Variants in ACTMAP observed in about 807,000 individuals in gnomAD.
ACTMAP encodes the protein UPF0692 protein C19orf54.
At chr19:40,745,170 A>G in the ACTMAP span, 11 of 1,551,860 alleles carry the variant, frequency 7.1e-6, no homozygotes, top group African/African-American at 1.4e-5. Context: ...TCTGCACAGA[A>G]GAGGATCCAC....
chr19:40,742,305 C>G, the ACTMAP span: 2 of 950,114 alleles, frequency 2.1e-6, no homozygotes, highest in African/African-American at 3.3e-5. Context: ...AGGGGGTGGC[C>G]CTGATGAAGG....
chr19:40,744,969 T>G, the ACTMAP span: 1 of 877,322 alleles, frequency 1.1e-6, no homozygotes, highest in Non-Finnish European at 1.8e-6. Context: ...ATGTTTACTA[T>G]GCAGGCACTC....
the ACTMAP span, among the ~76,000 whole-genome samples, chr19:40,743,127 A>C: frequency 6.6e-6 from 1 of 151,900 alleles, no homozygotes; most frequent in African/African-American, 2.4e-5. Flanking sequence ...CCTCCCCCGG[A>C]CCTCCTGACG....
chr19:40,750,267 CG>C, the ACTMAP span: 1 of 152,908 alleles, frequency 6.5e-6, no homozygotes, highest in Non-Finnish European at 1.5e-5. Context: ...GGCCCGAGTT[CG>C]GAACCTTTGA....
the ACTMAP span, among the ~76,000 whole-genome samples, chr19:40,746,213 T>C: frequency 6.8e-6 from 1 of 147,938 alleles, no homozygotes; most frequent in Non-Finnish European, 1.5e-5. Flanking sequence ...CATTCCTTTT[T>C]GTTTGTTTGT....
At chr19:40,742,006 G>A in the ACTMAP span, 3 of 452,760 alleles carry the variant, frequency 6.6e-6, no homozygotes, top group Non-Finnish European at 8.9e-6. Flanking sequence ...ATGATCCGGG[G>A]ATTTGAACAA....
chr19:40,744,006 T>C, the ACTMAP span: 2 of 1,614,010 alleles, frequency 1.2e-6, no homozygotes, highest in Non-Finnish European at 1.7e-6. Context: ...AAAACGATGG[T>C]GTGGCCCTGG....
At chr19:40,744,056 C>A in the ACTMAP span, 56 of 1,613,846 alleles carry the variant, frequency 3.5e-5, no homozygotes, top group Non-Finnish European at 4.7e-5. Flanking sequence ...CTCTCCCAGG[C>A]CCTGGGATAC....
chr19:40,743,827 G>A, the ACTMAP span: 4 of 1,553,768 alleles, frequency 2.6e-6, no homozygotes, highest in Admixed American at 1.7e-5. Context: ...CCAGCACAAG[G>A]GGTGAGAATG....
chr19:40,744,714 CTA>C, the ACTMAP span: 1 of 1,581,190 alleles, frequency 6.3e-7, no homozygotes, highest in South Asian at 1.2e-5. Context: ...CCTGTCAATC[CTA>C]TGTCACAGCC....
chr19:40,744,802 G>T, the ACTMAP span: 22 of 1,394,078 alleles, frequency 1.6e-5, no homozygotes, highest in African/African-American at 3.1e-4. Flanking sequence ...CCAGGCCAGC[G>T]AGGGAGACCT....
At chr19:40,743,955 T>C in the ACTMAP span, 3 of 1,614,006 alleles carry the variant, frequency 1.9e-6, no homozygotes, top group South Asian at 1.1e-5. Context: ...ACACGGCTCA[T>C]GGTTGAAGTC....
At chr19:40,749,063 T>A in the ACTMAP span, among the ~76,000 whole-genome samples, 1 of 149,046 alleles carries the variant, frequency 6.7e-6, no homozygotes, top group Non-Finnish European at 1.5e-5. Context: ...CAATTTTGGC[T>A]CACTGCAACC....
At chr19:40,749,401 G>A in the ACTMAP span, 1 of 1,402,456 alleles carries the variant, frequency 7.1e-7, no homozygotes, top group Non-Finnish European at 9.6e-7. Context: ...TGAGGACACG[G>A]GAACCCCCCC....
chr19:40,744,717 T>C, the ACTMAP span: 2 of 1,577,090 alleles, frequency 1.3e-6, no homozygotes, highest in Non-Finnish European at 1.7e-6. Context: ...GTCAATCCTA[T>C]GTCACAGCCC....
chr19:40,748,863 G>GACTCCCC, the ACTMAP span, among the ~76,000 whole-genome samples: 1 of 150,666 alleles, frequency 6.6e-6, no homozygotes, highest in Non-Finnish European at 1.5e-5. Context: ...AGCTCCCCCT[G>GACTCCCC]ACTCCCCAGC....
At chr19:40,741,035 C>G in the ACTMAP span, 2 of 398,788 alleles carry the variant, frequency 5.0e-6, no homozygotes, top group Non-Finnish European at 8.8e-6. Flanking sequence ...GCAGGGGACA[C>G]AGTGGTGAGC....
the ACTMAP span, chr19:40,743,764 G>A: frequency 2.9e-6 from 3 of 1,027,412 alleles, no homozygotes; most frequent in Middle Eastern, 3.1e-4. Context: ...CAGACACCTG[G>A]GGCCCAGCCT....
the ACTMAP span, chr19:40,742,707 C>T: frequency 6.2e-7 from 1 of 1,612,604 alleles, no homozygotes; most frequent in Non-Finnish European, 8.5e-7. Flanking sequence ...GTGGAACAGG[C>T]CCGGCAGCTC....
Sources: allele counts gnomAD v4.1 joint callset (sites outside exome capture counted in the v4.1 genomes callset), GRCh38; gene constraint gnomAD v4.1.1; transcripts MANE v1.5; gene names NCBI Gene and HGNC (gene_info 2026-07-23, HGNC 2026-07-21).